MYO6: variants seen among roughly 807,000 people sequenced by gnomAD.
MYO6 encodes the protein unconventional myosin-VI.
MYO6 carries 74 observed loss-of-function variants against 178.7 expected under a neutral mutation model. The observed-to-expected ratio is 0.41, with a 90% CI of 0.34 to 0.50. MYO6 has a LOEUF of 0.50. MYO6 is among the 20% of genes least tolerant of loss of function. MYO6 has a pLI of 0.09. For missense variants in MYO6, 1,330 were observed against 1,547.4 expected (o/e 0.86, Z 2.36); for synonymous variants, 477 against 504.6 (o/e 0.95, Z 0.73).
chr6:75,845,075 T>C (rs1296228696), intron 10 of MYO6, 98 bp downstream of exon 10: 1 of 968,206 alleles, frequency 1.0e-6, no homozygotes, highest in Non-Finnish European at 1.7e-6. Flanking sequence ...GTAAGAGTTC[T>C]AACTTTTAGG....
intron 4 of MYO6, among the ~76,000 whole-genome samples, chr6:75,829,541 G>C (rs1329274292): frequency 6.6e-6 from 1 of 151,976 alleles, no homozygotes; most frequent in Non-Finnish European, 1.5e-5. Context: ...ATCTGTCCAA[G>C]TAGTGACAGC....
At chr6:75,767,666 G>T (rs911906413) in intron 1 of MYO6, among the ~76,000 whole-genome samples, 1 of 151,348 alleles carries the variant, frequency 6.6e-6, no homozygotes, top group South Asian at 2.1e-4. Flanking sequence ...CTACAGGTGC[G>T]CACCACCACA....
chr6:75,902,641 G>A (rs1376559311), intron 30 of MYO6, among the ~76,000 whole-genome samples: 128 of 151,860 alleles, frequency 8.4e-4, no homozygotes, highest in Non-Finnish European at 1.4e-3. Flanking sequence ...TCTTGCTAGC[G>A]GTCTATCAAT....
At chr6:75,896,672 G>C (rs1322350048) in intron 29 of MYO6, among the ~76,000 whole-genome samples, 1 of 152,148 alleles carries the variant, frequency 6.6e-6, no homozygotes, top group African/African-American at 2.4e-5. Context: ...AAGTTAAATG[G>C]GGCATGGAGT....
intron 1 of MYO6, among the ~76,000 whole-genome samples, chr6:75,804,877 T>TAC (rs1187921950): frequency 3.5e-4 from 47 of 133,170 alleles, no homozygotes; most frequent in Middle Eastern, 3.6e-3. Flanking sequence ...CGCATATATA[T>TAC]ATACACACAC....
chr6:75,772,616 CAT>C (rs1158709777), intron 1 of MYO6, among the ~76,000 whole-genome samples: 2 of 152,196 alleles, frequency 1.3e-5, no homozygotes, highest in East Asian at 3.8e-4. Flanking sequence ...ACTAAGAACA[CAT>C]GTGGAGAAGT....
In MYO6 at chr6:75,866,214, GC is replaced by G. The variant is rs1338666525; in HGVS notation, c.1675-311del. 2.0e-5 allele frequency among the ~76,000 whole-genome samples: 3 copies of G among 151,572 alleles called. No homozygotes were observed. In the East Asian group the frequency reaches 5.8e-4, roughly 29 times the overall value. ...TTAAAAAAAAATTTTTTTATTACAA[GC>G]ATGTTCTTTTAAATTGTGTTTTTTT... On this transcript the variant is annotated intron_variant, in intron 16 of 34. Transcript: ENST00000369977.
At chr6:75,877,627 C>G (rs1777668631) in intron 20 of MYO6, among the ~76,000 whole-genome samples, 1 of 151,886 alleles carries the variant, frequency 6.6e-6, no homozygotes, top group South Asian at 2.1e-4. Flanking sequence ...TGAAAGAAGG[C>G]AAGTTTTCTT....
chr6:75,906,144 A>G (rs1780297075), intron 30 of MYO6, among the ~76,000 whole-genome samples: 1 of 149,522 alleles, frequency 6.7e-6, no homozygotes, highest in African/African-American at 2.4e-5. Context: ...GTCACACCTA[A>G]GAAGCAATAT....
At chr6:75,901,836 A>G (rs895940444) in intron 30 of MYO6, among the ~76,000 whole-genome samples, 1 of 152,202 alleles carries the variant, frequency 6.6e-6, no homozygotes, top group Non-Finnish European at 1.5e-5. Flanking sequence ...GTTTTTGCCC[A>G]TTCAGTATGG....
At chr6:75,782,493 A>G (rs1050251559) in intron 1 of MYO6, among the ~76,000 whole-genome samples, 1 of 152,144 alleles carries the variant, frequency 6.6e-6, no homozygotes, top group African/African-American at 2.4e-5. Flanking sequence ...AATGGAAAGA[A>G]AAAGGTTTAT....
intron 30 of MYO6, among the ~76,000 whole-genome samples, chr6:75,905,431 T>C (rs1265397373): frequency 6.6e-6 from 1 of 152,242 alleles, no homozygotes; most frequent in Non-Finnish European, 1.5e-5. Context: ...GCGCCATTTT[T>C]TTAAGCCCGT....
Position 75,819,502 on chromosome 6 carries a change from T to C in MYO6, c.117+1838T>C, listed in dbSNP as rs531078931. Among the ~76,000 whole-genome samples the C allele has an allele frequency of 2.2e-4, 33 of 152,320 alleles. 1 individual carries two copies. The highest frequency in any genetic ancestry group is 2.1e-3 in the Admixed American group (32 of 15,298). On this transcript the variant is annotated intron_variant, in intron 2 of 34. Coordinates refer to ENST00000369977, the MANE Select transcript of MYO6 (RefSeq NM_004999.4). Reference sequence around the variant, plus strand: ...AGTGGAAGTACAGTGGAAGTGTAGATGAGGGAGTGAGGAACATGTCTTGAT... The same window carrying C: ...AGTGGAAGTACAGTGGAAGTGTAGACGAGGGAGTGAGGAACATGTCTTGAT...
rs77957301 is a variant in MYO6, at chr6:75,757,685, A to G, written c.-48+8262A>G. On this transcript the variant is annotated intron_variant, in intron 1 of 34. Transcript: ENST00000369977. ...TAAGAGGATAGGCAGACCTGAGGCA[A>G]TCCTGGTTTTGTCACTCATTAACTT... 3.6e-3 allele frequency among the ~76,000 whole-genome samples: 554 copies of G among 152,126 alleles called. 2 individuals are homozygous for G. Among genetic ancestry groups the G allele is most frequent in the African/African-American group, 0.012 (517 of 41,536 alleles).
chr6:75,886,785 A>G (rs904969598), intron 24 of MYO6, 59 bp from the exon 25 acceptor site: 2 of 1,532,634 alleles, frequency 1.3e-6, no homozygotes, highest in African/African-American at 2.7e-5. Flanking sequence ...TATAAATGAA[A>G]AATCTGCCAA....
At chr6:75,882,951 A>G (rs1309277218) in intron 23 of MYO6, among the ~76,000 whole-genome samples, 1 of 152,190 alleles carries the variant, frequency 6.6e-6, no homozygotes, top group African/African-American at 2.4e-5. Flanking sequence ...GAGATCAGTC[A>G]AAAACCATAG....
At chr6:75,784,307 T>C (rs1425136024) in intron 1 of MYO6, among the ~76,000 whole-genome samples, 3 of 151,150 alleles carry the variant, frequency 2.0e-5, no homozygotes, top group African/African-American at 7.3e-5. Flanking sequence ...AGATCCTGAA[T>C]GGGGGAGACT....
chr6:75,850,082 C>G (rs1562245486), intron 11 of MYO6, among the ~76,000 whole-genome samples: 1 of 151,944 alleles, frequency 6.6e-6, no homozygotes, highest in Non-Finnish European at 1.5e-5. Flanking sequence ...ATGCACAAAT[C>G]CTGGTGTTAG....
At chr6:75,772,329 T>A (rs1209183176) in intron 1 of MYO6, among the ~76,000 whole-genome samples, 2 of 152,034 alleles carry the variant, frequency 1.3e-5, no homozygotes, top group Non-Finnish European at 2.9e-5. Flanking sequence ...TCATACACTA[T>A]CCCCCACCCC....
Sources: gnomAD v4.1 joint callset for allele counts (sites outside exome capture counted in the v4.1 genomes callset) on GRCh38, gnomAD v4.1.1 for gene constraint, MANE v1.5 for transcripts, NCBI Gene and HGNC (gene_info 2026-07-23, HGNC 2026-07-21) for gene names.